TJP2: variants seen among roughly 807,000 people sequenced by gnomAD.
The protein encoded by TJP2 is Friedreich ataxia region gene X104 (tight junction protein ZO-2).
TJP2 carries 91 observed loss-of-function variants against 133.1 expected under a neutral mutation model. That is an observed-to-expected ratio of 0.68 (90% CI 0.58 to 0.81). The LOEUF is 0.81. TJP2 is among the 40% of genes least tolerant of loss of function. The pLI is 0.00. For missense variants in TJP2, 1,541 were observed against 1,565.6 expected, an observed-to-expected ratio of 0.98 and a Z score of 0.26; for synonymous variants, 592 against 583.4, an observed-to-expected ratio of 1.01 and a Z score of -0.21.
chr9:69,185,881 C>CT (rs34030534), intron 1 of TJP2, among the ~76,000 whole-genome samples: 60,282 of 135,194 alleles, frequency 0.45, 12,997 homozygotes, highest in East Asian at 0.63. Flanking sequence ...TAATGTAGTC[C>CT]TTTTTTTTTT....
Position 69,243,985 on chromosome 9 carries a change from A to T in TJP2, c.2567-2705A>T, listed in dbSNP as rs1830744041. The stretch of plus-strand genomic sequence containing the variant: ...GGTCACTTGAGCTCAGGAGTTTGAG[A>T]CCAGCCTGGGCAACATGATGAAACC... On this transcript the variant is annotated intron_variant, in intron 17 of 22. Transcript: ENST00000377245. 2.0e-5 allele frequency among the ~76,000 whole-genome samples: 3 copies of T among 152,030 alleles called. No individual in the cohort carries two copies. The South Asian group carries it at 6.2e-4, about 32-fold the overall frequency.
intron 7 of TJP2, 68 bp from the exon 8 acceptor site, chr9:69,227,697 C>CA: frequency 2.7e-6 from 3 of 1,104,092 alleles, no homozygotes; most frequent in Non-Finnish European, 2.7e-6. Context: ...GAGAATAGTG[C>CA]AATTTCTCTG....
At chr9:69,220,359 A>G (rs1324468753) in intron 4 of TJP2, among the ~76,000 whole-genome samples, 1 of 152,192 alleles carries the variant, frequency 6.6e-6, no homozygotes, top group Non-Finnish European at 1.5e-5. Context: ...CATCACCTTA[A>G]ATAATTGTCT....
At chr9:69,179,473 G>A (rs1008517108) in intron 1 of TJP2, among the ~76,000 whole-genome samples, 7 of 151,716 alleles carry the variant, frequency 4.6e-5, no homozygotes, top group East Asian at 1.9e-4. Context: ...CAGTAACAGC[G>A]GTGGTGGTGA....
intron 1 of TJP2, among the ~76,000 whole-genome samples, chr9:69,201,422 C>T (rs1826982492): frequency 6.6e-6 from 1 of 151,254 alleles, no homozygotes. Context: ...CCTGAACAAA[C>T]CCTTCTCCCC....
intron 1 of TJP2, among the ~76,000 whole-genome samples, chr9:69,141,549 G>A (rs1380336696): frequency 6.6e-6 from 1 of 152,144 alleles, no homozygotes; most frequent in Admixed American, 6.5e-5. Context: ...GAGAGGAAGG[G>A]AGGGAGGGAT....
rs568406932 is a variant in TJP2 at position 69,207,640 on chromosome 9, G to T, written c.61-4908G>T. Among the ~76,000 whole-genome samples the T allele has an allele frequency of 2.6e-5, 4 of 152,298 alleles. No homozygotes were observed. In the East Asian group the frequency reaches 7.7e-4, roughly 29 times the overall value. ...TGATATATGCGTGCTCTTTCTATGG[G>T]CCTGCCTGTAAAGCTCCCCCTGGTG... On this transcript the variant is annotated intron_variant, in intron 1 of 22. Coordinates refer to ENST00000377245, the MANE Select transcript of TJP2 (RefSeq NM_004817.4).
chr9:69,247,415 C>T (rs1336368440), intron 18 of TJP2, among the ~76,000 whole-genome samples: 1 of 152,136 alleles, frequency 6.6e-6, no homozygotes, highest in Non-Finnish European at 1.5e-5. Flanking sequence ...GTATCCTGTT[C>T]ACCAGCTGAA....
intron 1 of TJP2, among the ~76,000 whole-genome samples, chr9:69,190,437 C>G (rs1020805167): frequency 1.3e-5 from 2 of 152,102 alleles, no homozygotes. Flanking sequence ...AAAATATAAC[C>G]AGAGAAGTTG....
chr9:69,176,541 C>T (rs77995450), intron 1 of TJP2, among the ~76,000 whole-genome samples: 1 of 152,098 alleles, frequency 6.6e-6, no homozygotes, highest in Non-Finnish European at 1.5e-5. Flanking sequence ...TATTAAATGA[C>T]TTGACTTTCC....
rs1187509639 is a variant in TJP2, at chr9:69,221,201, G to C, written c.657G>C (p.Arg219=). The change falls in exon 5 of 23, where the codon CGG becomes CGC. Residue 219 remains arginine (R), a synonymous_variant. Transcript: ENST00000377245. ...GCACCCGAGACCGCAGCCGTGGCCG[G>C]AGCCTGGAGCGGGGCCTGGACCACG... ...HARTRDRSRG[R]SLERGLDHDF... is the part of the protein sequence containing the mutation. 1.9e-6 allele frequency: 3 copies of C among 1,603,046 alleles called. No homozygotes were observed. Among genetic ancestry groups the C allele is most frequent in the Non-Finnish European group, 1.7e-6 (2 of 1,175,000 alleles).
chr9:69,241,894 G>A (rs1289038396), intron 17 of TJP2, among the ~76,000 whole-genome samples: 1 of 152,174 alleles, frequency 6.6e-6, no homozygotes, highest in Non-Finnish European at 1.5e-5. Context: ...AAGGGGTCAC[G>A]TAATGCAGCC....
At chr9:69,169,667 T>A (rs1240257505), upstream of TJP2, among the ~76,000 whole-genome samples, 2 of 152,196 alleles carry the variant, frequency 1.3e-5, no homozygotes, top group African/African-American at 4.8e-5. Flanking sequence ...GCTGAACTTG[T>A]AAACTTTTCA....
At chr9:69,207,650 A>G (rs1472798740) in intron 1 of TJP2, among the ~76,000 whole-genome samples, 1 of 152,198 alleles carries the variant, frequency 6.6e-6, no homozygotes, top group Non-Finnish European at 1.5e-5. Context: ...GCCTGCCTGT[A>G]AAGCTCCCCC....
In TJP2 at chr9:69,212,575, G is replaced by GA. The variant is rs1187309171; in HGVS notation, c.90dup (p.Gln31ThrfsTer28). Reference sequence around the variant, plus strand: ...CCCAGGCATGGAAGAGCTGATATGGGAACAGTACACTGTGACCCTACAAAA... The same window carrying GA: ...CCCAGGCATGGAAGAGCTGATATGGGAAACAGTACACTGTGACCCTACAAAA... On this transcript the variant is annotated frameshift_variant, in exon 2 of 23. Coordinates refer to ENST00000377245, the MANE Select transcript of TJP2 (RefSeq NM_004817.4). LOFTEE classifies it high-confidence loss of function. The GA allele has an allele frequency of 6.2e-7, 1 of 1,613,318 alleles. No individual in the cohort carries two copies.
intron 2 of TJP2, among the ~76,000 whole-genome samples, chr9:69,163,783 T>C (rs1173681797): frequency 6.6e-6 from 1 of 152,032 alleles, no homozygotes; most frequent in East Asian, 1.9e-4. Flanking sequence ...CAGCTGCAAA[T>C]AATTATTTTT....
At chr9:69,157,026 T>C (rs1823806246) in intron 2 of TJP2, among the ~76,000 whole-genome samples, 1 of 152,134 alleles carries the variant, frequency 6.6e-6, no homozygotes. Context: ...TCAGTGTTGA[T>C]GTTAATATTG....
Position 69,252,909 on chromosome 9 carries a change from T to C in TJP2, c.3407+9T>C, listed in dbSNP as rs1486664594. ...ACGCCCCAGCACACGAGGTAAGGGC[T>C]GCCTAGTGGGTACAGGTCTAAGGCG... On this transcript the variant is annotated intron_variant, in intron 22 of 22. Coordinates refer to ENST00000377245, the MANE Select transcript of TJP2 (RefSeq NM_004817.4). 6.2e-7 allele frequency: 1 copy of C among 1,613,990 alleles called. No individual in the cohort carries two copies. Among genetic ancestry groups the C allele is most frequent in the East Asian group, 2.2e-5 (1 of 44,884 alleles).
chr9:69,186,701 G>T (rs1028775782), intron 1 of TJP2, among the ~76,000 whole-genome samples: 11 of 152,324 alleles, frequency 7.2e-5, no homozygotes, highest in African/African-American at 2.2e-4. Context: ...ATCAATGTAT[G>T]TATTTCTGAC....
Sources: allele counts gnomAD v4.1 joint callset (sites outside exome capture counted in the v4.1 genomes callset), GRCh38; gene constraint gnomAD v4.1.1; transcripts MANE v1.5; gene names NCBI Gene and HGNC (gene_info 2026-07-23, HGNC 2026-07-21).